AKAP7: variants seen among roughly 807,000 people sequenced by gnomAD.
The protein encoded by AKAP7 is A-kinase anchoring protein 7, also known as A kinase (PRKA) anchor protein 7.
A neutral mutation model predicts 39.5 loss-of-function variants in AKAP7; 39 were observed. The observed-to-expected ratio is 0.99, with a 90% CI of 0.76 to 1.29. AKAP7 has a LOEUF of 1.29. Ranked by LOEUF, AKAP7 falls within the 50% of genes most tolerant of loss-of-function variation. The probability of loss-of-function intolerance (pLI) is 0.00; values close to 1 mark genes in which losing one functional copy is unlikely to be tolerated. For missense variants in AKAP7, 414 were observed against 407.7 expected (o/e 1.02, Z -0.13); for synonymous variants, 140 against 139.1 (o/e 1.01, Z -0.05).
At chr6:131,273,099 T>C (rs894233331) in intron 7 of AKAP7, among the ~76,000 whole-genome samples, 2 of 152,178 alleles carry the variant, frequency 1.3e-5, no homozygotes, top group Non-Finnish European at 2.9e-5. Flanking sequence ...CTCTTCCGGG[T>C]AATACTTTTT....
At chr6:131,168,991 C>A in intron 4 of AKAP7, 122 bp from the exon 5 acceptor site, 1 of 848,520 alleles carries the variant, frequency 1.2e-6, no homozygotes, top group Non-Finnish European at 1.8e-6. Context: ...GTATTTTGAG[C>A]CTTAAAATAA....
At position 131,255,844 on chromosome 6, in the gene AKAP7, C is replaced by T. The variant is rs77040973; in HGVS notation, c.851-25686C>T. 7.3e-3 allele frequency among the ~76,000 whole-genome samples: 1,117 copies of T among 152,308 alleles called. 20 individuals carry two copies. Among genetic ancestry groups the T allele is most frequent in the African/African-American group, 0.026 (1,068 of 41,560 alleles). ...AAGAATGAGTGATATAGATGTGATG[C>T]AATTCTTTCTCTTCCTCCTCCTCCA... On this transcript the variant is annotated intron_variant, in intron 7 of 7. Transcript: ENST00000431975.
intron 5 of AKAP7, among the ~76,000 whole-genome samples, 170 bp from the exon 6 acceptor site, chr6:131,199,291 A>G (rs1385732240): frequency 6.6e-6 from 1 of 152,250 alleles, no homozygotes; most frequent in Non-Finnish European, 1.5e-5. Context: ...TTGTTATCAT[A>G]CACATTGTAG....
chr6:131,240,845 T>C (rs2128312587), intron 7 of AKAP7, among the ~76,000 whole-genome samples: 1 of 152,316 alleles, frequency 6.6e-6, no homozygotes, highest in East Asian at 1.9e-4. Flanking sequence ...CCCTGACCCC[T>C]TGCACTTCCC....
At chr6:131,233,026 G>GTA (rs1284099122) in intron 7 of AKAP7, among the ~76,000 whole-genome samples, 1 of 151,710 alleles carries the variant, frequency 6.6e-6, no homozygotes, top group Non-Finnish European at 1.5e-5. Flanking sequence ...ATATGTGTGT[G>GTA]TATATATATA....
chr6:131,154,974 G>C (rs1173829414), intron 2 of AKAP7, among the ~76,000 whole-genome samples: 1 of 151,874 alleles, frequency 6.6e-6, no homozygotes, highest in African/African-American at 2.4e-5. Context: ...AGATCAAGAG[G>C]CTTAATTAAG....
chr6:131,177,204 G>T (rs904338745), intron 5 of AKAP7, among the ~76,000 whole-genome samples: 4 of 152,112 alleles, frequency 2.6e-5, no homozygotes, highest in Non-Finnish European at 5.9e-5. Flanking sequence ...TGAGGTATGG[G>T]CTGTCTTCGT....
intron 5 of AKAP7, among the ~76,000 whole-genome samples, chr6:131,182,239 A>G (rs1008306080): frequency 6.6e-6 from 1 of 152,214 alleles, no homozygotes; most frequent in Non-Finnish European, 1.5e-5. Flanking sequence ...TTATTGTGCA[A>G]CCAATCTACG....
Position 131,171,554 on chromosome 6 carries a change from TA to T in AKAP7, c.589+2285del, listed in dbSNP as rs1186979536. Reference sequence around the variant, plus strand: ...CGTATGCTAAAGGGAGCAGTGAAGGTAAAATAAGGGCATGAGGAGAGCGGTG... The same window carrying T: ...CGTATGCTAAAGGGAGCAGTGAAGGTAAATAAGGGCATGAGGAGAGCGGTG... On this transcript the variant is annotated intron_variant, in intron 5 of 7. Transcript: ENST00000431975. 7.9e-5 allele frequency among the ~76,000 whole-genome samples: 12 copies of T among 152,136 alleles called. No individual in the cohort carries two copies. In the East Asian group the frequency reaches 2.3e-3, roughly 29 times the overall value.
At chr6:131,225,014 C>T (rs1039881936) in intron 7 of AKAP7, among the ~76,000 whole-genome samples, 2 of 151,928 alleles carry the variant, frequency 1.3e-5, no homozygotes, top group Non-Finnish European at 2.9e-5. Context: ...CCTGTGCCTC[C>T]CAAAGTGCAG....
intron 7 of AKAP7, among the ~76,000 whole-genome samples, chr6:131,220,823 T>A (rs1298552466): frequency 6.6e-6 from 1 of 152,196 alleles, no homozygotes; most frequent in East Asian, 1.9e-4. Flanking sequence ...ATCTTTGATG[T>A]TATTATCGTT....
intron 7 of AKAP7, among the ~76,000 whole-genome samples, chr6:131,260,249 G>C (rs1813202198): frequency 6.6e-6 from 1 of 152,100 alleles, no homozygotes; most frequent in Non-Finnish European, 1.5e-5. Context: ...ATTGTGAATA[G>C]TGCTGCAATA....
At chr6:131,151,364 A>T (rs1400809513) in intron 2 of AKAP7, among the ~76,000 whole-genome samples, 2 of 149,372 alleles carry the variant, frequency 1.3e-5, no homozygotes, top group East Asian at 3.9e-4. Flanking sequence ...TAGAAACTTA[A>T]AGAGGGAGAA....
the AKAP7 span, among the ~76,000 whole-genome samples, chr6:131,126,006 A>C: frequency 6.6e-6 from 1 of 152,036 alleles, no homozygotes; most frequent in African/African-American, 2.4e-5. Flanking sequence ...CATTAGGATA[A>C]TTTTCTACAT....
At chr6:131,217,782 T>C (rs1264412812) in intron 6 of AKAP7, among the ~76,000 whole-genome samples, 3 of 152,170 alleles carry the variant, frequency 2.0e-5, no homozygotes, top group Non-Finnish European at 4.4e-5. Context: ...GAAGTGAAGA[T>C]TATAGCAATA....
chr6:131,139,703 C>T (rs1473364007), intron 1 of AKAP7, among the ~76,000 whole-genome samples: 1 of 152,246 alleles, frequency 6.6e-6, no homozygotes, highest in Non-Finnish European at 1.5e-5. Context: ...TATTGAGCAC[C>T]TATTGTGAGC....
In AKAP7 at chr6:131,135,711, C is replaced by A; in HGVS notation, c.-53C>A. The A allele has an allele frequency of 8.4e-7, 1 of 1,188,080 alleles. No individual in the cohort carries two copies. The highest frequency in any genetic ancestry group is 1.0e-6 in the Non-Finnish European group (1 of 962,010). 73.6% of individuals were successfully genotyped at this position (1,188,080 alleles called of 1,614,324 possible). ...CTCGCCTCCAGCCCCGGGACGCGGCCCGCCACCGCCGCTGCCGCCAGCCCA... is the reference window on the plus strand; with the variant it reads ...CTCGCCTCCAGCCCCGGGACGCGGCACGCCACCGCCGCTGCCGCCAGCCCA... On this transcript the variant is annotated 5_prime_UTR_variant, in exon 1 of 8. Transcript: ENST00000431975.
chr6:131,260,300 AT>A (rs941434065), intron 7 of AKAP7, among the ~76,000 whole-genome samples: 5 of 152,058 alleles, frequency 3.3e-5, no homozygotes, highest in African/African-American at 9.7e-5. Context: ...AATGATTTAT[AT>A]TTTTTTGGGC....
chr6:131,184,391 C>G (rs7754788), intron 5 of AKAP7: 1 of 663,206 alleles, frequency 1.5e-6, no homozygotes, highest in South Asian at 1.4e-5. Context: ...ACAGGTGGCA[C>G]CTCCAACTTC....
Sources: allele counts gnomAD v4.1 joint callset (sites outside exome capture counted in the v4.1 genomes callset), GRCh38; gene constraint gnomAD v4.1.1; transcripts MANE v1.5; gene names NCBI Gene and HGNC (gene_info 2026-07-23, HGNC 2026-07-21).